The following FAM120A variants were observed in gnomAD, a reference collection of about 807,000 sequenced individuals.
FAM120A encodes constitutive coactivator of PPAR-gamma-like protein 1.
In FAM120A, 15 loss-of-function variants were observed where a neutral mutation model predicts 109.7. The observed-to-expected ratio is 0.14, with a 90% confidence interval of 0.09 to 0.21. FAM120A has a LOEUF of 0.21. Among genes scored for constraint, FAM120A ranks in the 10% least tolerant of loss-of-function variants. The pLI is 1.00. For missense variants in FAM120A, 899 were observed against 1,439.3 expected (o/e 0.62, Z 6.07); for synonymous variants, 493 against 572.8 (o/e 0.86, Z 1.99).
chr9:93,484,462 G>T (rs1320830272), intron 3 of FAM120A, among the ~76,000 whole-genome samples: 1 of 152,178 alleles, frequency 6.6e-6, no homozygotes, highest in African/African-American at 2.4e-5. Flanking sequence ...GTCTGAGTGG[G>T]ATCTGAAAGA....
At chr9:93,469,704 G>T (rs2131253555) in intron 1 of FAM120A, among the ~76,000 whole-genome samples, 1 of 152,290 alleles carries the variant, frequency 6.6e-6, no homozygotes, top group East Asian at 1.9e-4. Context: ...CTAAAGAATA[G>T]AATGTTATTT....
intron 3 of FAM120A, among the ~76,000 whole-genome samples, chr9:93,482,514 G>A (rs1858865127): frequency 6.6e-6 from 1 of 151,928 alleles, no homozygotes; most frequent in Non-Finnish European, 1.5e-5. Flanking sequence ...TTTTCCCAGG[G>A]GTATCTTTAA....
intron 1 of FAM120A, among the ~76,000 whole-genome samples, chr9:93,468,635 T>C (rs1323443771): frequency 6.6e-6 from 1 of 152,226 alleles, no homozygotes; most frequent in Non-Finnish European, 1.5e-5. Context: ...ATATATGATA[T>C]TGTATTCTGA....
At chr9:93,512,500 T>C (rs569251170) in intron 5 of FAM120A, among the ~76,000 whole-genome samples, 3 of 152,176 alleles carry the variant, frequency 2.0e-5, no homozygotes, top group Admixed American at 6.6e-5. Flanking sequence ...TTTTTGGCCT[T>C]TTTTTCTTCT....
chr9:93,563,230 C>A (rs1349491409), intron 17 of FAM120A, among the ~76,000 whole-genome samples: 1 of 152,150 alleles, frequency 6.6e-6, no homozygotes, highest in Non-Finnish European at 1.5e-5. Context: ...CTAGAAGATG[C>A]TGGAAGGTAC....
At chr9:93,535,826 T>C (rs1375430827) in intron 10 of FAM120A, among the ~76,000 whole-genome samples, 2 of 152,264 alleles carry the variant, frequency 1.3e-5, no homozygotes, top group African/African-American at 4.8e-5. Flanking sequence ...GCTCTCAACT[T>C]GCTCAAAACC....
Position 93,518,977 on chromosome 9 carries a change from G to C in FAM120A, c.1418+2708G>C, listed in dbSNP as rs541535063. On this transcript the variant is annotated intron_variant, in intron 7 of 17. Coordinates refer to ENST00000277165, the MANE Select transcript of FAM120A (RefSeq NM_014612.5). ...GCTATTGTTAGTCTATTTTATATGGGGCCCAAGACAATTCTTCTTCTTCCA... is the reference window on the plus strand; with the variant it reads ...GCTATTGTTAGTCTATTTTATATGGCGCCCAAGACAATTCTTCTTCTTCCA... Among the ~76,000 whole-genome samples the C allele has an allele frequency of 7.9e-4, 120 of 151,978 alleles. 1 individual carries two copies. Among genetic ancestry groups the C allele is most frequent in the Non-Finnish European group, 9.7e-4 (66 of 67,962 alleles).
At position 93,452,592 on chromosome 9, in the gene FAM120A, A is replaced by G; in HGVS notation, c.474+203A>G. 3 of 1,598,236 alleles carry G rather than the reference A, an allele frequency of 1.9e-6. No homozygotes were observed. Among genetic ancestry groups the G allele is most frequent in the Non-Finnish European group, 2.5e-6 (3 of 1,179,366 alleles). On this transcript the variant is annotated intron_variant, in intron 1 of 17. Transcript: ENST00000277165. The surrounding 1 kb of genome is among the most constrained non-coding windows in gnomAD (Gnocchi z 7.0). ...CCGCGCGCTGCCCAAGCCCGTCTCC[A>G]GCTGTCCCTGTTCGGGGTCCGCGGC... is the stretch of plus-strand genomic sequence containing the variant.
chr9:93,471,285 C>T lies in FAM120A; in HGVS notation c.619C>T (p.Arg207Trp), dbSNP rs145499790. ...CAGTGCCCATGCCCTAAAACTGAGC[C>T]GGAACGGGAAAAGTCTCACCACAAG... ...YFSAHALKLS[R>W]NGKSLTTSQY... The change falls in exon 2 of 18, where the codon CGG becomes TGG. Residue 207 changes from arginine (R) to tryptophan (W), a missense_variant. Around this residue, in one of 11 missense-constraint regions of FAM120A, gnomAD observed 258 missense variants for 451.4 expected, o/e 0.57. Coordinates refer to ENST00000277165, the MANE Select transcript of FAM120A (RefSeq NM_014612.5). 31 of 1,613,998 alleles carry T rather than the reference C, an allele frequency of 1.9e-5. No individual in the cohort carries two copies. Among genetic ancestry groups the T allele is most frequent in the Non-Finnish European group, 2.3e-5 (27 of 1,180,020 alleles).
intron 3 of FAM120A, 70 bp downstream of exon 3, chr9:93,476,408 A>T (rs1309538552): frequency 9.7e-7 from 1 of 1,034,102 alleles, no homozygotes; most frequent in East Asian, 2.4e-5. Flanking sequence ...CTTTAATAAC[A>T]TGTTAGGCCC....
rs768770334 is a variant in FAM120A, at chr9:93,564,294, A to C, written c.3111A>C (p.Glu1037Asp). 7.4e-6 allele frequency: 12 copies of C among 1,614,178 alleles called. No individual in the cohort carries two copies. In the Admixed American group the frequency reaches 1.8e-4, roughly 25 times the overall value. Reference sequence around the variant, plus strand: ...AAGAACTTAAGTCAAAATCTGGGGAATCGAAGTCCTCTGCTATGTCTTCAG... The same window carrying C: ...AAGAACTTAAGTCAAAATCTGGGGACTCGAAGTCCTCTGCTATGTCTTCAG... ...VAKELKSKSG[E>D]SKSSAMSSDG... The change falls in exon 18 of 18, where the codon GAA becomes GAC. Residue 1037 changes from glutamate (E) to aspartate (D), a missense_variant. Physicochemically the swap from Glu to Asp is conservative, Grantham distance 45 (BLOSUM62 2). This residue lies in a region of FAM120A where 170 missense variants were observed against 205.0 expected (regional missense o/e 0.83). Transcript: ENST00000277165.
rs376968605 is a variant in FAM120A at position 93,532,254 on chromosome 9, G to A, written c.1834G>A (p.Val612Ile). Residue 612 changes from valine (V) to isoleucine (I), a missense_variant, in exon 10 of 18, where the codon GTC (valine) becomes ATC (isoleucine). Around this residue, in one of 11 missense-constraint regions of FAM120A, gnomAD observed 133 missense variants for 276.6 expected, o/e 0.48. Transcript: ENST00000277165. This position sits in a 1 kb window ranked among gnomAD's most constrained non-coding sequence, Gnocchi z 4.3. ...GCCAGTTCGTCAGTATGTTTACGGA[G>A]TCCTGTTTAGTTTGGCAGAAAGCAG... Reference protein sequence around the residue: ...YRPVRQYVYGVLFSLAESRKK... With the variant: ...YRPVRQYVYGILFSLAESRKK... 1.9e-6 allele frequency: 3 copies of A among 1,614,256 alleles called. No homozygotes were observed. Among genetic ancestry groups the A allele is most frequent in the Middle Eastern group, 3.3e-4 (2 of 6,062 alleles).
intron 3 of FAM120A, among the ~76,000 whole-genome samples, chr9:93,495,473 A>T (rs1032302155): frequency 2.0e-5 from 3 of 152,224 alleles, no homozygotes; most frequent in African/African-American, 7.2e-5. Context: ...ACCTTGTGAC[A>T]TACATGGAGG....
At chr9:93,551,942 C>T (rs900004615) in intron 12 of FAM120A, among the ~76,000 whole-genome samples, 6 of 152,138 alleles carry the variant, frequency 3.9e-5, no homozygotes, top group Admixed American at 6.5e-5. Context: ...CAGGTGTCCC[C>T]GTCAGGCAGT....
chr9:93,464,668 C>T (rs878965604), intron 1 of FAM120A, among the ~76,000 whole-genome samples: 3 of 152,128 alleles, frequency 2.0e-5, no homozygotes, highest in Admixed American at 2.0e-4. Context: ...AAATGGTAGC[C>T]ATGACAAAAA....
chr9:93,523,534 AAATT>A (rs1291837598), intron 7 of FAM120A, among the ~76,000 whole-genome samples: 6 of 152,194 alleles, frequency 3.9e-5, no homozygotes, highest in Admixed American at 3.3e-4. Flanking sequence ...ATGTTGGCAA[AAATT>A]AATTGTGATC....
chr9:93,455,649 T>C (rs762524505), intron 1 of FAM120A, among the ~76,000 whole-genome samples: 55 of 152,306 alleles, frequency 3.6e-4, no homozygotes, highest in Non-Finnish European at 6.6e-4. Flanking sequence ...AATTTCCTGT[T>C]ACCTTTGCTT....
intron 12 of FAM120A, among the ~76,000 whole-genome samples, chr9:93,551,620 T>A (rs1862102080): frequency 6.6e-6 from 1 of 152,174 alleles, no homozygotes; most frequent in Non-Finnish European, 1.5e-5. Flanking sequence ...AGGCATTCTT[T>A]CCATGGAGGG....
chr9:93,516,640 C>T (rs1397594846), intron 7 of FAM120A, among the ~76,000 whole-genome samples: 1 of 152,286 alleles, frequency 6.6e-6, no homozygotes, highest in East Asian at 1.9e-4. Context: ...AAACATTAAT[C>T]TTCTGGCTCC....
Sources: allele counts gnomAD v4.1 joint callset (sites outside exome capture counted in the v4.1 genomes callset), GRCh38; gene constraint gnomAD v4.1.1; regional missense constraint gnomAD v4.1.1; non-coding constraint Gnocchi (gnomAD v3.1); transcripts MANE v1.5; gene names NCBI Gene and HGNC (gene_info 2026-07-23, HGNC 2026-07-21).